The following PEAK1 variants were observed in gnomAD, a reference collection of about 807,000 sequenced individuals.
PEAK1 encodes inactive tyrosine-protein kinase PEAK1.
Under a neutral mutation model 124.7 loss-of-function variants are expected in PEAK1, and 54 were observed. The observed-to-expected ratio is 0.43, with a 90% CI of 0.35 to 0.54. The LOEUF (loss-of-function observed/expected upper bound fraction) is 0.54, where lower values mean the gene tolerates loss of function less well. PEAK1 is among the 20% of genes least tolerant of loss of function. The pLI is 0.01. For synonymous variants in PEAK1, 719 were observed against 760.0 expected (o/e 0.95, Z 0.89); for missense variants, 2,046 against 2,134.5 (o/e 0.96, Z 0.82).
At chr15:77,348,054 C>T (rs2066976311) in intron 2 of PEAK1, 1 of 985,080 alleles carries the variant, frequency 1.0e-6, no homozygotes. Context: ...AATATATGCA[C>T]TTTTCTACAA....
At position 77,133,571 on chromosome 15, in the gene PEAK1, C is replaced by T. The variant is rs1469585825; in HGVS notation, c.3511G>A (p.Asp1171Asn). ...IRANTEPISK[D>N]LQKSMESSLC... ...CTACTTTCCATGGATTTTTGGAGGT[C>T]CTTGGAGATTGGCTCTGTATTGGCT... Residue 1171 changes from aspartate (D) to asparagine (N), a missense_variant, in exon 9 of 10, where the codon GAC (aspartate) becomes AAC (asparagine). By Grantham distance (23) the Asp-to-Asn change is conservative. Transcript: ENST00000682557. This position sits in a 1 kb window ranked among gnomAD's most constrained non-coding sequence, Gnocchi z 4.2. 6.2e-7 allele frequency: 1 copy of T among 1,614,092 alleles called. No homozygotes were observed. The highest frequency in any genetic ancestry group is 1.7e-5 in the Admixed American group (1 of 60,014).
intron 1 of PEAK1, among the ~76,000 whole-genome samples, chr15:77,398,763 G>C (rs898279945): frequency 6.6e-6 from 1 of 152,114 alleles, no homozygotes; most frequent in African/African-American, 2.4e-5. Context: ...GTCCTAGCTA[G>C]AGCAATCAGA....
chr15:77,376,774 T>C (rs915992559), intron 1 of PEAK1, among the ~76,000 whole-genome samples: 35 of 152,336 alleles, frequency 2.3e-4, no homozygotes, highest in African/African-American at 7.2e-4. Context: ...TCACAAAGAT[T>C]GTTCCATTTG....
chr15:77,284,355 T>A lies in PEAK1; in HGVS notation c.-422-325A>T, dbSNP rs139110451. On this transcript the variant is annotated intron_variant, in intron 4 of 9. Coordinates refer to ENST00000682557, the MANE Select transcript of PEAK1 (RefSeq NM_001385026.1). The stretch of plus-strand genomic sequence containing the variant: ...GAAGCACATTTTAAAAATCTACTGA[T>A]AGGATAACTGTATTACTGTAAGGGA... 4.3e-3 allele frequency among the ~76,000 whole-genome samples: 661 copies of A among 152,274 alleles called. 6 individuals are homozygous for A. Among genetic ancestry groups the A allele is most frequent in the African/African-American group, 0.015 (626 of 41,564 alleles).
intron 6 of PEAK1, among the ~76,000 whole-genome samples, chr15:77,229,415 C>T (rs183797575): frequency 6.6e-6 from 1 of 152,148 alleles, no homozygotes; most frequent in Non-Finnish European, 1.5e-5. Flanking sequence ...TAACAAATTT[C>T]CTCTATTTAC....
At chr15:77,187,418 CA>C (rs146353638) in intron 6 of PEAK1, among the ~76,000 whole-genome samples, 6 of 149,602 alleles carry the variant, frequency 4.0e-5, no homozygotes, top group South Asian at 4.3e-4. Flanking sequence ...GATTTGATAC[CA>C]AAAAAAAACC....
chr15:77,346,580 A>G, intron 2 of PEAK1: 1 of 985,440 alleles, frequency 1.0e-6, no homozygotes, highest in Non-Finnish European at 1.2e-6. Context: ...TCACATCTCA[A>G]GAGGTTTTTC....
At chr15:77,321,399 T>A (rs1376283563) in intron 2 of PEAK1, among the ~76,000 whole-genome samples, 1 of 152,244 alleles carries the variant, frequency 6.6e-6, no homozygotes, top group Non-Finnish European at 1.5e-5. Context: ...TTTGCATTTC[T>A]CTGATGGCCA....
chr15:77,242,869 A>G (rs552443562), intron 6 of PEAK1, among the ~76,000 whole-genome samples: 1 of 152,304 alleles, frequency 6.6e-6, no homozygotes, highest in Non-Finnish European at 1.5e-5. Context: ...TCCAACAGGA[A>G]AGTATAACAA....
intron 1 of PEAK1, among the ~76,000 whole-genome samples, chr15:77,388,435 A>G (rs1252212940): frequency 6.6e-6 from 1 of 152,160 alleles, no homozygotes; most frequent in African/African-American, 2.4e-5. Flanking sequence ...GTTGCTATTC[A>G]GTGTCTGCCT....
chr15:77,347,890 TA>T (rs1357908115), intron 2 of PEAK1: 62 of 977,606 alleles, frequency 6.3e-5, no homozygotes, highest in East Asian at 1.1e-4. Flanking sequence ...ATATACCTAC[TA>T]AAAAAAAAGT....
intron 6 of PEAK1, among the ~76,000 whole-genome samples, chr15:77,187,905 G>A (rs987465308): frequency 3.3e-5 from 5 of 152,128 alleles, no homozygotes; most frequent in Non-Finnish European, 1.5e-5. Flanking sequence ...AAAAAGGAAA[G>A]GAAAATGTGA....
At chr15:77,236,319 A>G (rs1307640717) in intron 6 of PEAK1, among the ~76,000 whole-genome samples, 1 of 152,220 alleles carries the variant, frequency 6.6e-6, no homozygotes, top group African/African-American at 2.4e-5. Context: ...AGGCCATGGG[A>G]GCCCACCTCT....
intron 1 of PEAK1, among the ~76,000 whole-genome samples, chr15:77,390,092 T>C (rs1184451135): frequency 6.6e-6 from 1 of 152,126 alleles, no homozygotes; most frequent in Non-Finnish European, 1.5e-5. Context: ...AACTGAAGCT[T>C]GGGAGAGCTG....
At chr15:77,342,156 T>TAAA (rs34828008) in intron 2 of PEAK1, among the ~76,000 whole-genome samples, 1 of 140,328 alleles carries the variant, frequency 7.1e-6, no homozygotes, top group African/African-American at 2.6e-5. Flanking sequence ...TTCATTATGG[T>TAAA]AAAAAAAAAA....
Position 77,170,681 on chromosome 15 carries a change from C to T in PEAK1, c.3137+8109G>A, listed in dbSNP as rs75452155. ...TGCTAGATATTATGCTGACGTTTTA[C>T]AGATATTATACATTTAGTACTCAAA... On this transcript the variant is annotated intron_variant, in intron 7 of 9. Transcript: ENST00000682557. 1.5e-3 allele frequency among the ~76,000 whole-genome samples: 223 copies of T among 152,250 alleles called. 8 individuals are homozygous for T. The East Asian group carries it at 0.038, about 26-fold the overall frequency.
At chr15:77,346,925 G>A in intron 2 of PEAK1, 1 of 302,774 alleles carries the variant, frequency 3.3e-6, no homozygotes, top group Non-Finnish European at 4.9e-6. Context: ...GTACTAAGAG[G>A]AAAACAAAAC....
At chr15:77,366,171 C>G (rs994595774) in intron 1 of PEAK1, among the ~76,000 whole-genome samples, 1 of 152,166 alleles carries the variant, frequency 6.6e-6, no homozygotes, top group Non-Finnish European at 1.5e-5. Context: ...CCTCTTTCAA[C>G]TTAGGTGTAG....
intron 6 of PEAK1, among the ~76,000 whole-genome samples, chr15:77,231,305 A>G (rs1360159685): frequency 6.6e-6 from 1 of 152,208 alleles, no homozygotes; most frequent in Non-Finnish European, 1.5e-5. Flanking sequence ...TCTTCAGTGA[A>G]GCTCAGAAAT....
Sources: gnomAD v4.1 joint callset for allele counts (sites outside exome capture counted in the v4.1 genomes callset) on GRCh38, gnomAD v4.1.1 for gene constraint, Gnocchi (gnomAD v3.1) non-coding constraint, MANE v1.5 for transcripts, NCBI Gene and HGNC (gene_info 2026-07-23, HGNC 2026-07-21) for gene names.